The following NOD1 variants were observed in gnomAD, a reference collection of about 807,000 sequenced individuals.
NOD1 encodes nucleotide binding oligomerization domain containing 1.
In NOD1, 70 loss-of-function variants were observed where a neutral mutation model predicts 81.2. The ratio of observed to expected loss-of-function variants is 0.86; its 90% CI spans 0.71 to 1.05. The LOEUF (loss-of-function observed/expected upper bound fraction) is 1.05. Ranked by LOEUF, NOD1 falls within the 50% of genes least tolerant of loss-of-function variation. The pLI is 0.00. For synonymous variants in NOD1, 508 were observed against 526.9 expected, an observed-to-expected ratio of 0.96 and a Z score of 0.49; for missense variants, 1,233 against 1,228.0, an observed-to-expected ratio of 1.00 and a Z score of -0.06.
intron 8 of NOD1, chr7:30,446,630 A>T (rs1785117864): frequency 2.5e-6 from 1 of 396,544 alleles, no homozygotes; most frequent in Non-Finnish European, 4.6e-6. Flanking sequence ...CGCAGGGCAC[A>T]CCTACAGCAG....
At chr7:30,445,651 C>T (rs1179471806) in intron 9 of NOD1, among the ~76,000 whole-genome samples, 1 of 149,234 alleles carries the variant, frequency 6.7e-6, no homozygotes, top group African/African-American at 2.5e-5. Flanking sequence ...CCCAGCTACT[C>T]GTGTGGCTGA....
intron 7 of NOD1, 45 bp from the exon 8 acceptor site, chr7:30,447,095 C>A: frequency 6.2e-7 from 1 of 1,613,082 alleles, no homozygotes; most frequent in South Asian, 1.1e-5. Flanking sequence ...CTCCTGATGT[C>A]ATTTTAATAG....
chr7:30,478,612 A>C lies in NOD1; in HGVS notation c.-358T>G, dbSNP rs1462389459. On this transcript the variant is annotated 5_prime_UTR_variant, in exon 1 of 14. Transcript: ENST00000222823. The surrounding 1 kb of genome is among the most constrained non-coding windows in gnomAD (Gnocchi z 4.1). ...CCCAGTCGCTGGGACTTACTTGGCC[A>C]CCAGGTTTACAGACTTCGCAGCCGC... is the stretch of plus-strand genomic sequence containing the variant. The C allele has an allele frequency of 6.6e-6, 1 of 152,348 alleles. No individual in the cohort carries two copies. The highest frequency in any genetic ancestry group is 1.5e-5 in the Non-Finnish European group (1 of 68,144). The allele number at this position is 152,348 out of a possible 1,614,324, so 9.4% of individuals were successfully genotyped here. A position where few individuals can be genotyped will look rare whatever the true frequency, so the allele number is the denominator to read the frequency against.
intron 12 of NOD1, among the ~76,000 whole-genome samples, chr7:30,432,785 C>T (rs1252723588): frequency 6.6e-6 from 1 of 152,158 alleles, no homozygotes; most frequent in African/African-American, 2.4e-5. Context: ...AACACAGAGA[C>T]AAAAGGTCAC....
chr7:30,448,624 G>A (rs957613123), intron 6 of NOD1, among the ~76,000 whole-genome samples: 4 of 152,158 alleles, frequency 2.6e-5, no homozygotes, highest in Admixed American at 2.0e-4. Flanking sequence ...CTCCTCACAC[G>A]ACCGTGAAGG....
chr7:30,471,920 G>A (rs771989418), intron 1 of NOD1, among the ~76,000 whole-genome samples: 3 of 152,154 alleles, frequency 2.0e-5, no homozygotes, highest in Non-Finnish European at 4.4e-5. Flanking sequence ...CATGTGCCGT[G>A]GGCTGGGCAG....
chr7:30,453,785 A>T (rs1164138057), intron 5 of NOD1, among the ~76,000 whole-genome samples: 2 of 152,220 alleles, frequency 1.3e-5, no homozygotes, highest in Non-Finnish European at 2.9e-5. Flanking sequence ...CCATCTTCCC[A>T]GAGTTTTCTG....
chr7:30,439,034 A>C (rs1163369453), intron 9 of NOD1, among the ~76,000 whole-genome samples: 1 of 152,250 alleles, frequency 6.6e-6, no homozygotes, highest in African/African-American at 2.4e-5. Context: ...AACCACAATG[A>C]GACAGGACCT....
At position 30,450,974 on chromosome 7, in the gene NOD1, G is replaced by GGGC. The variant is rs1257873054; in HGVS notation, c.2201+239_2201+241dup. ...ATGAGCATCTTCTTTTTCCAGATGA[G>GGGC]GGCGTGGAGGCTCTGAGAGTTAAGC... On this transcript the variant is annotated intron_variant, in intron 6 of 13. Coordinates refer to ENST00000222823, the MANE Select transcript of NOD1 (RefSeq NM_006092.4). Among the ~76,000 whole-genome samples the GGGC allele has an allele frequency of 7.2e-5, 11 of 152,322 alleles. No homozygotes were observed. In the East Asian group the frequency reaches 2.1e-3, roughly 29 times the overall value.
rs71530515 is a variant in NOD1 at position 30,454,144 on chromosome 7, C to T, written c.376+993G>A. On this transcript the variant is annotated intron_variant, in intron 5 of 13. Transcript: ENST00000222823. ...GCTGGAGCCTAGCACTGACACTCTG[C>T]CGGCTGGCCTTGTTTCCCCTAAGCA... Among the ~76,000 whole-genome samples, 512 of 152,348 alleles carry T rather than the reference C, an allele frequency of 3.4e-3. 2 individuals are homozygous for T. Among genetic ancestry groups the T allele is most frequent in the Non-Finnish European group, 3.9e-3 (265 of 68,038 alleles).
chr7:30,424,909 C>G lies in NOD1; in HGVS notation c.*729G>C, dbSNP rs1423395334. On this transcript the variant is annotated 3_prime_UTR_variant, in exon 14 of 14. Transcript: ENST00000222823. ...AGGGTAGCCTAGCAGAGGAGAAGCCCTGAGTGGAAGCAGCATTTTGAAGGC... is the reference window on the plus strand; with the variant it reads ...AGGGTAGCCTAGCAGAGGAGAAGCCGTGAGTGGAAGCAGCATTTTGAAGGC... The G allele has an allele frequency of 6.6e-6, 1 of 152,370 alleles. No homozygotes were observed. The highest frequency in any genetic ancestry group is 1.5e-5 in the Non-Finnish European group (1 of 68,206). 9.4% of individuals were successfully genotyped at this position (152,370 alleles called of 1,614,324 possible).
intron 1 of NOD1, among the ~76,000 whole-genome samples, chr7:30,462,173 T>A (rs1787159672): frequency 6.6e-6 from 1 of 152,256 alleles, no homozygotes; most frequent in South Asian, 2.1e-4. Flanking sequence ...TTATACTCAA[T>A]GTAAAATTCT....
intron 9 of NOD1, among the ~76,000 whole-genome samples, chr7:30,439,713 A>T (rs1280020051): frequency 1.0e-5 from 1 of 98,026 alleles, no homozygotes; most frequent in East Asian, 3.3e-4. Context: ...TTGCTTAGGT[A>T]AACAAAGCAG....
In NOD1 at chr7:30,452,139, G is replaced by C. The variant is rs1056015705; in HGVS notation, c.1278C>G (p.Leu426=). 6.2e-7 allele frequency: 1 copy of C among 1,614,016 alleles called. No homozygotes were observed. Among genetic ancestry groups the C allele is most frequent in the African/African-American group, 1.3e-5 (1 of 75,072 alleles). The change falls in exon 6 of 14, where the codon CTC becomes CTG. Residue 426 remains leucine (L), a synonymous_variant. Coordinates refer to ENST00000222823, the MANE Select transcript of NOD1 (RefSeq NM_006092.4). ...DCTMTLTDVF[L]LVTEVHLNRM... ...TGTTCAGATGGACCTCAGTGACCAG[G>C]AGGAAGACATCTGTCAGGGTCATCG...
At chr7:30,476,544 G>A (rs1361721351) in intron 1 of NOD1, among the ~76,000 whole-genome samples, 4 of 152,212 alleles carry the variant, frequency 2.6e-5, no homozygotes, top group Non-Finnish European at 5.9e-5. Flanking sequence ...ATGGTCTGAG[G>A]ATGTTGTCAG....
chr7:30,464,537 T>C (rs758196569), intron 1 of NOD1, among the ~76,000 whole-genome samples: 9 of 152,206 alleles, frequency 5.9e-5, no homozygotes, highest in Non-Finnish European at 1.3e-4. Context: ...ATACACATGG[T>C]GAGAGGCAGG....
chr7:30,445,602 T>C (rs2128029997), intron 9 of NOD1, among the ~76,000 whole-genome samples: 1 of 151,630 alleles, frequency 6.6e-6, no homozygotes, highest in Non-Finnish European at 1.5e-5. Flanking sequence ...CTACTAAAAA[T>C]ACAAAAATTA....
chr7:30,455,495 G>A (rs930501279), intron 4 of NOD1, among the ~76,000 whole-genome samples, 184 bp from the exon 5 acceptor site: 3 of 151,842 alleles, frequency 2.0e-5, no homozygotes, highest in Non-Finnish European at 4.4e-5. Context: ...GACCTCCTGA[G>A]CAAGAAATAA....
In NOD1 at chr7:30,467,735, CTT is replaced by C. The variant is rs1313400430; in HGVS notation, c.-351-7696_-351-7695del. On this transcript the variant is annotated intron_variant, in intron 1 of 13. Transcript: ENST00000222823. This position sits in a 1 kb window ranked among gnomAD's most constrained non-coding sequence, Gnocchi z 4.5. ...GTTTGTTTTGAGACAGAGTTTCACT[CTT>C]GTCACCCAGGCTGGAGTGCGATGGC... Among the ~76,000 whole-genome samples, 1 of 152,150 alleles carries C rather than the reference CTT, an allele frequency of 6.6e-6. No homozygotes were observed. Among genetic ancestry groups the C allele is most frequent in the African/African-American group, 2.4e-5 (1 of 41,448 alleles).
Sources: allele counts gnomAD v4.1 joint callset (sites outside exome capture counted in the v4.1 genomes callset), GRCh38; gene constraint gnomAD v4.1.1; non-coding constraint Gnocchi (gnomAD v3.1); transcripts MANE v1.5; gene names NCBI Gene and HGNC (gene_info 2026-07-23, HGNC 2026-07-21).